RAP1GAP2: variants seen among roughly 807,000 people sequenced by gnomAD.
RAP1GAP2 encodes the protein rap1 GTPase-activating protein 2.
Under a neutral mutation model 95.0 loss-of-function variants are expected in RAP1GAP2, and 27 were observed. The ratio of observed to expected loss-of-function variants is 0.28; its 90% CI spans 0.21 to 0.39. The LOEUF (loss-of-function observed/expected upper bound fraction) is 0.39. Among genes scored for constraint, RAP1GAP2 ranks in the 10% least tolerant of loss-of-function variants. The pLI, the probability that RAP1GAP2 is intolerant of heterozygous loss-of-function variation, is 1.00. For missense variants in RAP1GAP2, 771 were observed against 970.0 expected (o/e 0.79, Z 2.72); for synonymous variants, 373 against 380.9 (o/e 0.98, Z 0.24).
Position 2,963,212 on chromosome 17 carries a change from C to T in RAP1GAP2, c.247-218C>T. The T allele has an allele frequency of 1.6e-6, 1 of 626,094 alleles. No individual in the cohort carries two copies. The highest frequency in any genetic ancestry group is 2.9e-6 in the Non-Finnish European group (1 of 348,064). 38.8% of individuals were successfully genotyped at this position (626,094 alleles called of 1,614,324 possible). ...AGAAGTTCAGCACCTTCGGACACTG[C>T]ATCATCAGCTGGCAGGGTTTATGTT... On this transcript the variant is annotated intron_variant, in intron 5 of 24. Transcript: ENST00000254695. This position sits in a 1 kb window ranked among gnomAD's most constrained non-coding sequence, Gnocchi z 4.8.
chr17:2,855,029 C>G lies in RAP1GAP2; in HGVS notation c.81-50255C>G, dbSNP rs752053148. The stretch of plus-strand genomic sequence containing the variant: ...CCCTATAAGACACGGGCAGTGGAAC[C>G]AGAGACACCTGGGGGTGACCAGCAG... On this transcript the variant is annotated intron_variant, in intron 2 of 24. Coordinates refer to ENST00000254695, the MANE Select transcript of RAP1GAP2 (RefSeq NM_015085.5). This position sits in a 1 kb window ranked among gnomAD's most constrained non-coding sequence, Gnocchi z 4.3. 4.6e-5 allele frequency among the ~76,000 whole-genome samples: 7 copies of G among 152,254 alleles called. No individual in the cohort carries two copies. The East Asian group carries it at 1.4e-3, about 29-fold the overall frequency.
At chr17:3,016,347 C>T (rs1004552188) in intron 17 of RAP1GAP2, among the ~76,000 whole-genome samples, 1 of 152,268 alleles carries the variant, frequency 6.6e-6, no homozygotes, top group African/African-American at 2.4e-5. Flanking sequence ...ATGACTTAAT[C>T]CTGCGTCCCA....
At chr17:2,828,561 G>A (rs1041915213) in intron 2 of RAP1GAP2, among the ~76,000 whole-genome samples, 2 of 152,138 alleles carry the variant, frequency 1.3e-5, no homozygotes, top group African/African-American at 2.4e-5. Context: ...CTGAAGAGCC[G>A]GCGGGAAGAG....
At chr17:2,842,386 C>A (rs538754521) in intron 2 of RAP1GAP2, among the ~76,000 whole-genome samples, 80 of 152,000 alleles carry the variant, frequency 5.3e-4, no homozygotes, top group African/African-American at 1.7e-3. Context: ...AAAAATTAGC[C>A]AGGCGTGGTG....
chr17:2,785,297 C>T (rs977808865), intron 1 of RAP1GAP2, among the ~76,000 whole-genome samples: 2 of 152,120 alleles, frequency 1.3e-5, no homozygotes, highest in African/African-American at 4.8e-5. Flanking sequence ...AATTCTGTCA[C>T]CTTCCAGCCC....
In RAP1GAP2 at chr17:2,928,842, A is replaced by G. The variant is rs117971258; in HGVS notation, c.165+23474A>G. ...TCGGAGGGGTGGGGGTGCCTGTTAT[A>G]GCCTCAGCCTCATGCAGACTATCAT... On this transcript the variant is annotated intron_variant, in intron 3 of 24. Transcript: ENST00000254695. Among the ~76,000 whole-genome samples, 1,016 of 152,096 alleles carry G rather than the reference A, an allele frequency of 6.7e-3. 8 individuals are homozygous for G. Among genetic ancestry groups the G allele is most frequent in the Non-Finnish European group, 0.011 (726 of 67,988 alleles).
rs1171238240 is a variant in RAP1GAP2, at chr17:3,034,252, G to T, written c.*891G>T. ...AGCCAGGAGTGAGAAGGAATTCAGG[G>T]AGAGCAAAGGAGCCAGTGCTGAGAT... is the stretch of plus-strand genomic sequence containing the variant. On this transcript the variant is annotated 3_prime_UTR_variant, in exon 25 of 25. Coordinates refer to ENST00000254695, the MANE Select transcript of RAP1GAP2 (RefSeq NM_015085.5). The surrounding 1 kb of genome is among the most constrained non-coding windows in gnomAD (Gnocchi z 5.1). 1 of 158,802 alleles carries T rather than the reference G, an allele frequency of 6.3e-6. No individual in the cohort carries two copies. Among genetic ancestry groups the T allele is most frequent in the Non-Finnish European group, 1.4e-5 (1 of 70,382 alleles). The allele number at this position is 158,802 out of a possible 1,614,324, so 9.8% of individuals were successfully genotyped here.
At chr17:2,805,770 GTC>G (rs1555545289) in intron 2 of RAP1GAP2, among the ~76,000 whole-genome samples, 6 of 134,756 alleles carry the variant, frequency 4.5e-5, no homozygotes, top group Non-Finnish European at 6.6e-5. Flanking sequence ...GTGTGTGTGT[GTC>G]TGTCTGTCTG....
intron 2 of RAP1GAP2, among the ~76,000 whole-genome samples, chr17:2,874,666 C>G (rs540668920): frequency 6.6e-5 from 10 of 152,140 alleles, no homozygotes; most frequent in African/African-American, 2.2e-4. Flanking sequence ...GGAAATGAGA[C>G]GGTAGGTGCT....
At chr17:2,998,940 GA>G (rs983122800) in intron 14 of RAP1GAP2, among the ~76,000 whole-genome samples, 3 of 152,166 alleles carry the variant, frequency 2.0e-5, no homozygotes, top group African/African-American at 7.2e-5. Context: ...AGGAAAAAAA[GA>G]AAAAAATGTT....
intron 2 of RAP1GAP2, chr17:2,854,213 C>T: frequency 2.2e-6 from 2 of 923,268 alleles, no homozygotes; most frequent in East Asian, 1.2e-4. Flanking sequence ...TAGAAAAAAG[C>T]CTCCTCTCCA....
chr17:2,978,627 A>G (rs919717985), intron 8 of RAP1GAP2, among the ~76,000 whole-genome samples: 2 of 151,996 alleles, frequency 1.3e-5, no homozygotes, highest in Non-Finnish European at 2.9e-5. Context: ...GATAAGGGGG[A>G]CTGCTGTATT....
chr17:2,757,479 C>T (rs182544252), intron 1 of RAP1GAP2, among the ~76,000 whole-genome samples: 1 of 152,228 alleles, frequency 6.6e-6, no homozygotes, highest in East Asian at 1.9e-4. Flanking sequence ...TGTCCCTTTC[C>T]TCAAAATGAC....
Position 2,967,212 on chromosome 17 carries a change from C to CA in RAP1GAP2, c.596+1578dup, listed in dbSNP as rs374097822. ...TGAAACCCCGTCTCTACTAAAAATA[C>CA]AAAAAAAAATTAGCTGGGCGTGGTG... On this transcript the variant is annotated intron_variant, in intron 8 of 24. Coordinates refer to ENST00000254695, the MANE Select transcript of RAP1GAP2 (RefSeq NM_015085.5). 4.2e-3 allele frequency among the ~76,000 whole-genome samples: 628 copies of CA among 151,160 alleles called. 3 individuals carry two copies. Among genetic ancestry groups the CA allele is most frequent in the African/African-American group, 0.014 (580 of 41,236 alleles).
chr17:2,956,898 G>A (rs2151470951), intron 3 of RAP1GAP2, among the ~76,000 whole-genome samples: 1 of 152,320 alleles, frequency 6.6e-6, no homozygotes, highest in East Asian at 1.9e-4. Context: ...GGAGGCCAAG[G>A]CGGGAGGATC....
At position 2,857,518 on chromosome 17, in the gene RAP1GAP2, G is replaced by C. The variant is rs533275657; in HGVS notation, c.81-47766G>C. On this transcript the variant is annotated intron_variant, in intron 2 of 24. Coordinates refer to ENST00000254695, the MANE Select transcript of RAP1GAP2 (RefSeq NM_015085.5). The surrounding 1 kb of genome is among the most constrained non-coding windows in gnomAD (Gnocchi z 4.0). ...CATGTTGGACTTGACCGTGCTCTAC[G>C]GGAGCTGTGGGGCAGCCTGGAGGTT... is the stretch of plus-strand genomic sequence containing the variant. 1.1e-4 allele frequency among the ~76,000 whole-genome samples: 16 copies of C among 152,276 alleles called. No individual in the cohort carries two copies. The South Asian group carries it at 1.2e-3, about 12-fold the overall frequency.
At chr17:2,793,301 G>A (rs2068977413), upstream of RAP1GAP2, among the ~76,000 whole-genome samples, 1 of 152,088 alleles carries the variant, frequency 6.6e-6, no homozygotes, top group Non-Finnish European at 1.5e-5. Flanking sequence ...ATACAGGCAT[G>A]TGCCACGACG....
intron 1 of RAP1GAP2, among the ~76,000 whole-genome samples, chr17:2,760,338 C>T (rs1197400494): frequency 2.0e-5 from 3 of 149,600 alleles, no homozygotes; most frequent in East Asian, 2.0e-4. Flanking sequence ...AAAATGGTCT[C>T]GTTAACTTTC....
At chr17:2,793,558 A>G (rs1002176660), upstream of RAP1GAP2, among the ~76,000 whole-genome samples, 4 of 152,228 alleles carry the variant, frequency 2.6e-5, no homozygotes, top group African/African-American at 7.2e-5. Context: ...TGCACCCAGC[A>G]TGGTGCTTGG....
Sources: allele counts gnomAD v4.1 joint callset (sites outside exome capture counted in the v4.1 genomes callset), GRCh38; gene constraint gnomAD v4.1.1; non-coding constraint Gnocchi (gnomAD v3.1); transcripts MANE v1.5; gene names NCBI Gene and HGNC (gene_info 2026-07-23, HGNC 2026-07-21).